Variants in OR51L1 observed in about 807,000 individuals in gnomAD.
OR51L1 encodes olfactory receptor family 51 subfamily L member 1.
Under a neutral mutation model 1.4 loss-of-function variants are expected in OR51L1, and 1 was observed. The observed-to-expected ratio is 0.72, with a 90% confidence interval of 0.26 to 3.42. The LOEUF (loss-of-function observed/expected upper bound fraction) is 3.42, where lower values mean the gene tolerates loss of function less well. OR51L1 is among the 30% of genes most tolerant of loss of function. The pLI is 0.20. For missense variants in OR51L1, 378 were observed against 380.0 expected, an observed-to-expected ratio of 0.99 and a Z score of 0.04; for synonymous variants, 156 against 144.2, an observed-to-expected ratio of 1.08 and a Z score of -0.59.
rs757522991 is a variant in OR51L1 at position 4,999,236 on chromosome 11, C to G, written c.254C>G (p.Ala85Gly). The change falls in exon 3 of 3, where the codon GCT becomes GGT. Residue 85 changes from alanine to glycine, a missense_variant. Physicochemically the swap from Ala to Gly is moderately conservative, Grantham distance 60 (BLOSUM62 0). Coordinates refer to ENST00000641819, the MANE Select transcript of OR51L1 (RefSeq NM_001004755.2). Reference sequence around the variant, plus strand: ...CTGTCTACACTTCCCACCATGCTTGCTGTGTTATGGTTGGATGCTCCAGAG... The same window carrying G: ...CTGTCTACACTTCCCACCATGCTTGGTGTGTTATGGTTGGATGCTCCAGAG... Reference protein sequence around the residue: ...MSLSTLPTMLAVLWLDAPEIQ... With the variant: ...MSLSTLPTMLGVLWLDAPEIQ... The G allele has an allele frequency of 1.2e-6, 2 of 1,614,166 alleles. No individual in the cohort carries two copies. The highest frequency in any genetic ancestry group is 2.2e-5 in the South Asian group (2 of 91,088).
Position 4,999,361 on chromosome 11 carries a change from G to T in OR51L1, c.379G>T (p.Ala127Ser). ...LLAMAFDRFV[A>S]ICHPLHYPTI... ...GGCCATGGCCTTTGACCGTTTTGTT[G>T]CTATCTGCCATCCACTGCACTACCC... The change falls in exon 3 of 3, where the codon GCT becomes TCT. Residue 127 changes from alanine to serine, a missense_variant. Physicochemically the swap from Ala to Ser is moderately conservative, Grantham distance 99. Transcript: ENST00000641819. 6.2e-7 allele frequency: 1 copy of T among 1,614,044 alleles called. No homozygotes were observed. The highest frequency in any genetic ancestry group is 8.5e-7 in the Non-Finnish European group (1 of 1,180,008).
chr11:4,998,894 T>A lies in OR51L1; in HGVS notation c.-89T>A, dbSNP rs1215729688. On this transcript the variant is annotated 5_prime_UTR_variant, in exon 3 of 3. Coordinates refer to ENST00000641819, the MANE Select transcript of OR51L1 (RefSeq NM_001004755.2). ...AAGATGTATTTTTGTCCTCATTCCA[T>A]TATTTGTACTCAAAAGAGATAACTT... The A allele has an allele frequency of 4.5e-5, 63 of 1,398,614 alleles. No homozygotes were observed. The highest frequency in any genetic ancestry group is 2.5e-5 in the Non-Finnish European group (26 of 1,023,032). The allele number at this position is 1,398,614 out of a possible 1,614,324, so 86.6% of individuals were successfully genotyped here. A position where few individuals can be genotyped will look rare whatever the true frequency, so the allele number is the denominator to read the frequency against.
chr11:5,002,509 C>T lies in OR51L1; in HGVS notation c.*2579C>T, dbSNP rs1310792352. The T allele has an allele frequency of 6.6e-6, 1 of 152,058 alleles. No homozygotes were observed. The highest frequency in any genetic ancestry group is 1.9e-4 in the East Asian group (1 of 5,194). The allele number at this position is 152,058 out of a possible 1,614,324, so 9.4% of individuals were successfully genotyped here. On this transcript the variant is annotated 3_prime_UTR_variant, in exon 3 of 3. Transcript: ENST00000641819. ...CCCCATTTCAATGAAAGACTTGTAGCCCCAGCTGCTGGCAGTAAGTCCAGT... is the reference window on the plus strand; with the variant it reads ...CCCCATTTCAATGAAAGACTTGTAGTCCCAGCTGCTGGCAGTAAGTCCAGT...
chr11:4,999,192 G>A lies in OR51L1; in HGVS notation c.210G>A (p.Val70=). 1 of 1,614,106 alleles carries A rather than the reference G, an allele frequency of 6.2e-7. No homozygotes were observed. Among genetic ancestry groups the A allele is most frequent in the African/African-American group, 1.3e-5 (1 of 75,026 alleles). The change falls in exon 3 of 3, where the codon GTG becomes GTA. Residue 70 remains valine (V), a synonymous_variant. Coordinates refer to ENST00000641819, the MANE Select transcript of OR51L1 (RefSeq NM_001004755.2). ...PMYYFISILA[V]NDLGMSLSTL... The stretch of plus-strand genomic sequence containing the variant: ...ATTACTTTATTTCCATCTTAGCAGT[G>A]AATGACCTGGGGATGTCCCTGTCTA...
rs371953147 is a variant in OR51L1 at position 5,002,578 on chromosome 11, C to T, written c.*2648C>T. 148 of 152,018 alleles carry T rather than the reference C, an allele frequency of 9.7e-4. No homozygotes were observed. The highest frequency in any genetic ancestry group is 3.4e-3 in the African/African-American group (140 of 41,464). 9.4% of individuals were successfully genotyped at this position (152,018 alleles called of 1,614,324 possible). A position where few individuals can be genotyped will look rare whatever the true frequency, so the allele number is the denominator to read the frequency against. ...TTTTTTTTACCTTTTCAGGAATTGCCTCAGCTGGAGAAATGAGCCTTGCCT... is the reference window on the plus strand; with the variant it reads ...TTTTTTTTACCTTTTCAGGAATTGCTTCAGCTGGAGAAATGAGCCTTGCCT... On this transcript the variant is annotated 3_prime_UTR_variant, in exon 3 of 3. Coordinates refer to ENST00000641819, the MANE Select transcript of OR51L1 (RefSeq NM_001004755.2).
intron 1 of OR51L1, among the ~76,000 whole-genome samples, chr11:4,996,626 A>T (rs933822818): frequency 2.0e-5 from 3 of 152,002 alleles, no homozygotes; most frequent in African/African-American, 7.2e-5. Flanking sequence ...ATGGGGTAAA[A>T]TAAACTACTT....
At chr11:4,995,551 A>C (rs1013640680) in intron 1 of OR51L1, among the ~76,000 whole-genome samples, 1 of 152,034 alleles carries the variant, frequency 6.6e-6, no homozygotes, top group Admixed American at 6.6e-5. Flanking sequence ...ATAAGCGATA[A>C]GCTGATTAGC....
chr11:4,996,726 T>TTTTC lies in OR51L1; in HGVS notation c.-261-754_-261-753insTCTT, dbSNP rs1450238806. On this transcript the variant is annotated intron_variant, in intron 1 of 2. Transcript: ENST00000641819. Reference sequence around the variant, plus strand: ...TCCTTCCTTCCTTTCTTTTCTTTTCTTTCTTTCTTTCTTTCTTTCTTTCTT... The same window carrying TTTTC: ...TCCTTCCTTCCTTTCTTTTCTTTTCTTTTCTTCTTTCTTTCTTTCTTTCTTTCTT... Among the ~76,000 whole-genome samples the TTTTC allele has an allele frequency of 4.8e-3, 321 of 67,348 alleles. 2 individuals carry two copies. Among genetic ancestry groups the TTTTC allele is most frequent in the African/African-American group, 0.019 (307 of 16,366 alleles). 44.2% of individuals were successfully genotyped at this position (67,348 alleles called of 152,430 possible).
intron 1 of OR51L1, among the ~76,000 whole-genome samples, chr11:4,996,700 TTC>T (rs1184061800): frequency 7.7e-4 from 84 of 108,894 alleles, no homozygotes; most frequent in African/African-American, 3.3e-3. Context: ...TTTCTTTCTT[TTC>T]CTTCCTTCCT....
In OR51L1 at chr11:5,004,245, G is replaced by GT. The variant is rs1564823860; in HGVS notation, c.*4316dup. 1 of 152,198 alleles carries GT rather than the reference G, an allele frequency of 6.6e-6. No homozygotes were observed. Among genetic ancestry groups the GT allele is most frequent in the Non-Finnish European group, 1.5e-5 (1 of 68,054 alleles). 9.4% of individuals were successfully genotyped at this position (152,198 alleles called of 1,614,324 possible). On this transcript the variant is annotated 3_prime_UTR_variant, in exon 3 of 3. Coordinates refer to ENST00000641819, the MANE Select transcript of OR51L1 (RefSeq NM_001004755.2). Reference sequence around the variant, plus strand: ...GTGTTTAGAAAGACACTTCTGTGGGGTATAGGTGAACCAAGGCTGAGAGAC... The same window carrying GT: ...GTGTTTAGAAAGACACTTCTGTGGGGTTATAGGTGAACCAAGGCTGAGAGAC...
Position 4,999,353 on chromosome 11 carries a change from G to A in OR51L1, c.371G>A (p.Arg124His), listed in dbSNP as rs146166863. 1.8e-4 allele frequency: 286 copies of A among 1,614,022 alleles called. No individual in the cohort carries two copies. Among genetic ancestry groups the A allele is most frequent in the Middle Eastern group, 3.3e-4 (2 of 6,060 alleles). ...GTGTTGCTGGCCATGGCCTTTGACC[G>A]TTTTGTTGCTATCTGCCATCCACTG... ...SSVLLAMAFD[R>H]FVAICHPLHY... The change falls in exon 3 of 3, where the codon CGT (arginine) becomes CAT (histidine). Residue 124 changes from arginine to histidine, a missense_variant. Arg to His is a conservative substitution (Grantham distance 29, BLOSUM62 0). Coordinates refer to ENST00000641819, the MANE Select transcript of OR51L1 (RefSeq NM_001004755.2).
rs779583976 is a variant in OR51L1, at chr11:4,999,532, C to G, written c.550C>G (p.Gln184Glu). 1.9e-6 allele frequency: 3 copies of G among 1,613,964 alleles called. No individual in the cohort carries two copies. The highest frequency in any genetic ancestry group is 2.5e-6 in the Non-Finnish European group (3 of 1,179,982). The change falls in exon 3 of 3, where the codon CAG becomes GAG. Residue 184 changes from glutamine to glutamate, a missense_variant. Physicochemically the swap from Gln to Glu is conservative, Grantham distance 29. Coordinates refer to ENST00000641819, the MANE Select transcript of OR51L1 (RefSeq NM_001004755.2). ...CCTCTCTCACGCCTTCTGTTTGCAC[C>G]AGGATGTTCTAAGATTATCCTGTAC... Reference protein sequence around the residue: ...NALSHAFCLHQDVLRLSCTDA... With the variant: ...NALSHAFCLHEDVLRLSCTDA...
intron 1 of OR51L1, among the ~76,000 whole-genome samples, chr11:4,996,721 T>TTTTCTTTTCTTTTCTTTC (rs773262061): frequency 5.6e-5 from 6 of 106,274 alleles, no homozygotes; most frequent in Non-Finnish European, 9.7e-5. Context: ...CTTTCTTTTC[T>TTTTCTTTTCTTTTCTTTC]TTTCTTTCTT....
chr11:5,002,221 A>G lies in OR51L1; in HGVS notation c.*2291A>G, dbSNP rs1329631424. The G allele has an allele frequency of 1.3e-5, 2 of 152,230 alleles. No homozygotes were observed. The highest frequency in any genetic ancestry group is 4.8e-5 in the African/African-American group (2 of 41,472). The allele number at this position is 152,230 out of a possible 1,614,324, so 9.4% of individuals were successfully genotyped here. A position where few individuals can be genotyped will look rare whatever the true frequency, so the allele number is the denominator to read the frequency against. ...GAAATTGGTTATGATGGAAGTATTT[A>G]AACCACAGAAATTGGTAAACATTAT... On this transcript the variant is annotated 3_prime_UTR_variant, in exon 3 of 3. Coordinates refer to ENST00000641819, the MANE Select transcript of OR51L1 (RefSeq NM_001004755.2).
rs1316294232 is a variant in OR51L1 at position 5,005,116 on chromosome 11, C to A, written c.*5186C>A. 1 of 152,170 alleles carries A rather than the reference C, an allele frequency of 6.6e-6. No homozygotes were observed. Among genetic ancestry groups the A allele is most frequent in the African/African-American group, 2.4e-5 (1 of 41,430 alleles). The allele number at this position is 152,170 out of a possible 1,614,324, so 9.4% of individuals were successfully genotyped here. ...CCCACAGATCATTCATAAGTAAATTCTTTGCTTGCCTCCCATAAACAAGGA... is the reference window on the plus strand; with the variant it reads ...CCCACAGATCATTCATAAGTAAATTATTTGCTTGCCTCCCATAAACAAGGA... On this transcript the variant is annotated 3_prime_UTR_variant, in exon 3 of 3. Coordinates refer to ENST00000641819, the MANE Select transcript of OR51L1 (RefSeq NM_001004755.2).
In OR51L1 at chr11:5,002,309, G is replaced by A. The variant is rs1348825369; in HGVS notation, c.*2379G>A. On this transcript the variant is annotated 3_prime_UTR_variant, in exon 3 of 3. Transcript: ENST00000641819. ...GTTAAACACTTACCAACACATCACT[G>A]GGAAAGGTATTCTAGAAAGAGGAGG... 1.3e-5 allele frequency: 2 copies of A among 152,148 alleles called. No individual in the cohort carries two copies. Among genetic ancestry groups the A allele is most frequent in the Non-Finnish European group, 2.9e-5 (2 of 68,028 alleles). 9.4% of individuals were successfully genotyped at this position (152,148 alleles called of 1,614,324 possible). A position where few individuals can be genotyped will look rare whatever the true frequency, so the allele number is the denominator to read the frequency against.
intron 2 of OR51L1, 44 bp downstream of exon 2, chr11:4,997,627 G>A (rs899895345): frequency 6.6e-6 from 1 of 151,442 alleles, no homozygotes; most frequent in Admixed American, 6.6e-5. Context: ...GAACTAGACA[G>A]GGTTAAAATA....
rs1847160788 is a variant in OR51L1, at chr11:5,004,660, CTG to C, written c.*4733_*4734del. On this transcript the variant is annotated 3_prime_UTR_variant, in exon 3 of 3. Coordinates refer to ENST00000641819, the MANE Select transcript of OR51L1 (RefSeq NM_001004755.2). ...GCTGGCCAAGTTTAACATCATGAATCTGTGAAGGAAAAAATGTCCATTGAGCC... is the reference window on the plus strand; with the variant it reads ...GCTGGCCAAGTTTAACATCATGAATCTGAAGGAAAAAATGTCCATTGAGCC... The C allele has an allele frequency of 6.6e-6, 1 of 152,050 alleles. No individual in the cohort carries two copies. Among genetic ancestry groups the C allele is most frequent in the Middle Eastern group, 3.2e-3 (1 of 316 alleles). 9.4% of individuals were successfully genotyped at this position (152,050 alleles called of 1,614,324 possible). A position where few individuals can be genotyped will look rare whatever the true frequency, so the allele number is the denominator to read the frequency against.
At chr11:4,996,661 T>G (rs1005314928) in intron 1 of OR51L1, among the ~76,000 whole-genome samples, 1 of 151,996 alleles carries the variant, frequency 6.6e-6, no homozygotes, top group Non-Finnish European at 1.5e-5. Flanking sequence ...CAGTTTTCTT[T>G]TCTTTTTCTT....
Sources: allele counts gnomAD v4.1 joint callset (sites outside exome capture counted in the v4.1 genomes callset), GRCh38; gene constraint gnomAD v4.1.1; transcripts MANE v1.5; gene names NCBI Gene and HGNC (gene_info 2026-07-23, HGNC 2026-07-21).